Variants in SUSD1 observed in about 807,000 individuals in gnomAD.
SUSD1 encodes the protein sushi domain containing 1.
SUSD1 carries 65 observed loss-of-function variants against 86.9 expected under a neutral mutation model. The observed-to-expected ratio is 0.75, with a 90% CI of 0.61 to 0.92. The LOEUF (loss-of-function observed/expected upper bound fraction) is 0.92, where lower values mean the gene tolerates loss of function less well. Among genes scored for constraint, SUSD1 ranks in the 40% least tolerant of loss-of-function variants. SUSD1 has a pLI of 0.00. For synonymous variants in SUSD1, 346 were observed against 350.0 expected, an observed-to-expected ratio of 0.99 and a Z score of 0.13; for missense variants, 850 against 929.7, an observed-to-expected ratio of 0.91 and a Z score of 1.11.
At chr9:112,105,345 A>T (rs1185747249) in intron 8 of SUSD1, among the ~76,000 whole-genome samples, 7 of 146,928 alleles carry the variant, frequency 4.8e-5, no homozygotes, top group Non-Finnish European at 7.6e-5. Context: ...AACAAACTTT[A>T]AAAAAAAAAA....
chr9:112,166,112 A>G (rs1273752171), intron 1 of SUSD1, among the ~76,000 whole-genome samples: 1 of 152,196 alleles, frequency 6.6e-6, no homozygotes, highest in Non-Finnish European at 1.5e-5. Context: ...CCAGGCTACC[A>G]AGGCTTCTCA....
intron 15 of SUSD1, among the ~76,000 whole-genome samples, chr9:112,051,588 T>C (rs950840717): frequency 2.8e-4 from 43 of 151,854 alleles, no homozygotes; most frequent in African/African-American, 1.0e-3. Context: ...TGTGCCACCA[T>C]GCCTGGCTAA....
intron 13 of SUSD1, 117 bp from the exon 14 acceptor site, chr9:112,058,803 T>G: frequency 1.5e-6 from 2 of 1,358,414 alleles, no homozygotes; most frequent in Non-Finnish European, 2.0e-6. Context: ...TTTTGTTTTT[T>G]GTTTTTTTTG....
intron 1 of SUSD1, among the ~76,000 whole-genome samples, chr9:112,168,270 T>C (rs1323487410): frequency 6.6e-6 from 1 of 152,196 alleles, no homozygotes; most frequent in East Asian, 1.9e-4. Flanking sequence ...GACAGAGAAA[T>C]GCACTGATGC....
Position 112,142,335 on chromosome 9 carries a change from T to C in SUSD1, c.691A>G (p.Lys231Glu). 6.3e-7 allele frequency: 1 copy of C among 1,582,478 alleles called. No individual in the cohort carries two copies. Among genetic ancestry groups the C allele is most frequent in the Non-Finnish European group, 8.6e-7 (1 of 1,165,914 alleles). Residue 231 changes from lysine to glutamate, a missense_variant, in exon 5 of 17, where the codon AAA becomes GAA. By Grantham distance (56) the Lys-to-Glu change is moderately conservative (BLOSUM62 1). Coordinates refer to ENST00000374270, the MANE Select transcript of SUSD1 (RefSeq NM_022486.5). ...GAAAACTCACCTTGGCAATGTAATT[T>C]TGGGGACTCCCATGTGCCCAGGCCT... The part of the protein sequence containing the change: ...CTGLGTWESP[K>E]LHCQEINCGN...
chr9:112,165,701 C>T (rs1419380602), intron 1 of SUSD1, among the ~76,000 whole-genome samples: 1 of 151,798 alleles, frequency 6.6e-6, no homozygotes, highest in African/African-American at 2.4e-5. Flanking sequence ...TGAGCTACCA[C>T]ACCTGGCATA....
chr9:112,174,904 C>A (rs1353659684), intron 1 of SUSD1, among the ~76,000 whole-genome samples: 1 of 151,698 alleles, frequency 6.6e-6, no homozygotes, highest in Admixed American at 6.6e-5. Context: ...CCGGCGTCCC[C>A]CGGCGTCGCG....
intron 5 of SUSD1, among the ~76,000 whole-genome samples, chr9:112,134,389 A>C (rs560869133): frequency 2.5e-4 from 38 of 152,366 alleles, no homozygotes; most frequent in Middle Eastern, 3.4e-3. Context: ...AACCATAAAA[A>C]ATAAAATCAT....
chr9:112,103,285 T>A (rs1372032116), intron 8 of SUSD1: 3 of 333,254 alleles, frequency 9.0e-6, no homozygotes, highest in African/African-American at 2.2e-5. Flanking sequence ...CTGCCTATAA[T>A]TGGAAAGTGT....
rs886434535 is a variant in SUSD1, at chr9:112,108,948, C to T, written c.1171+2706G>A. Among the ~76,000 whole-genome samples, 27 of 151,798 alleles carry T rather than the reference C, an allele frequency of 1.8e-4. 1 individual carries two copies. The highest frequency in any genetic ancestry group is 2.1e-4 in the South Asian group (1 of 4,824). ...GGGGAAAAAAAATAGTAATAAAACACGCAACCCAAACCAATCAACCTCTAA... is the reference window on the plus strand; with the variant it reads ...GGGGAAAAAAAATAGTAATAAAACATGCAACCCAAACCAATCAACCTCTAA... On this transcript the variant is annotated intron_variant, in intron 8 of 16. Transcript: ENST00000374270.
Position 112,175,241 on chromosome 9 carries a change from C to T in SUSD1, c.-6G>A. On this transcript the variant is annotated 5_prime_UTR_variant, in exon 1 of 17. Coordinates refer to ENST00000374270, the MANE Select transcript of SUSD1 (RefSeq NM_022486.5). The surrounding 1 kb of genome is among the most constrained non-coding windows in gnomAD (Gnocchi z 4.7). ...TCCCAGGGCCCCCGGCCCATGCCGC[C>T]GCCGGTCCCTCCCGGCGCGCCCGCG... 6.1e-6 allele frequency: 7 copies of T among 1,154,548 alleles called. No homozygotes were observed. Among genetic ancestry groups the T allele is most frequent in the Non-Finnish European group, 7.5e-6 (7 of 938,938 alleles). The allele number at this position is 1,154,548 out of a possible 1,614,324, so 71.5% of individuals were successfully genotyped here. A position where few individuals can be genotyped will look rare whatever the true frequency, so the allele number is the denominator to read the frequency against.
chr9:112,110,947 C>T (rs556143613), intron 8 of SUSD1, among the ~76,000 whole-genome samples: 1 of 152,124 alleles, frequency 6.6e-6, no homozygotes, highest in Non-Finnish European at 1.5e-5. Flanking sequence ...GCCTCCCTGG[C>T]ACCTCCTCTT....
rs763488837 is a variant in SUSD1, at chr9:112,080,142, A to C, written c.1498T>G (p.Ser500Ala). The C allele has an allele frequency of 9.3e-6, 15 of 1,613,212 alleles. No individual in the cohort carries two copies. The South Asian group carries it at 1.4e-4, about 15-fold the overall frequency. The change falls in exon 11 of 17, where the codon TCA becomes GCA. Residue 500 changes from serine (S) to alanine (A), a missense_variant. Coordinates refer to ENST00000374270, the MANE Select transcript of SUSD1 (RefSeq NM_022486.5). Reference protein sequence around the residue: ...PAVKQTISNISGFNETCLRWR... With the variant: ...PAVKQTISNIAGFNETCLRWR... Reference sequence around the variant, plus strand: ...CTCAAGCAGGTTTCATTAAATCCTGAAATGTTACTGATGGTCTGTTTTACT... The same window carrying C: ...CTCAAGCAGGTTTCATTAAATCCTGCAATGTTACTGATGGTCTGTTTTACT...
intron 12 of SUSD1, among the ~76,000 whole-genome samples, chr9:112,068,445 C>T (rs1423988582): frequency 6.6e-6 from 1 of 152,160 alleles, no homozygotes; most frequent in African/African-American, 2.4e-5. Context: ...TGCACTGGCT[C>T]ATGCCTGTAA....
Position 112,112,822 on chromosome 9 carries a change from A to C in SUSD1, c.933T>G (p.Cys311Trp). ...INDVSLFNDT[C>W]VRWQINSRRI... ...TTCTTGAGTTTATTTGCCATCTCAC[A>C]CAGGTATCATTAAACAGTGATACAT... The change falls in exon 7 of 17, where the codon TGT (cysteine) becomes TGG (tryptophan). Residue 311 changes from cysteine to tryptophan, a missense_variant. Physicochemically the swap from Cys to Trp is radical, Grantham distance 215. Transcript: ENST00000374270. The C allele has an allele frequency of 6.2e-7, 1 of 1,613,610 alleles. No individual in the cohort carries two copies. Among genetic ancestry groups the C allele is most frequent in the Non-Finnish European group, 8.5e-7 (1 of 1,179,536 alleles).
chr9:112,107,254 CAAAAAAAA>C (rs71382407), intron 8 of SUSD1, among the ~76,000 whole-genome samples: 15 of 66,202 alleles, frequency 2.3e-4, no homozygotes, highest in African/African-American at 7.3e-4. Flanking sequence ...GACCATATCT[CAAAAAAAA>C]AAAAAAAAAA....
chr9:112,109,507 C>T (rs1831001415), intron 8 of SUSD1, among the ~76,000 whole-genome samples: 1 of 152,196 alleles, frequency 6.6e-6, no homozygotes. Context: ...TCCTAATTCT[C>T]TCTAGATTAA....
chr9:112,080,117 C>T lies in SUSD1; in HGVS notation c.1523G>A (p.Arg508Lys). The change falls in exon 11 of 17, where the codon AGA becomes AAA. Residue 508 changes from arginine (R) to lysine (K), a missense_variant. Transcript: ENST00000374270. ...ATCAGCTGTCTTGATGCTTCTCCAT[C>T]TCAAGCAGGTTTCATTAAATCCTGA... is the stretch of plus-strand genomic sequence containing the variant. ...NISGFNETCL[R>K]WRSIKTADME... 1 of 1,613,730 alleles carries T rather than the reference C, an allele frequency of 6.2e-7. No homozygotes were observed. Among genetic ancestry groups the T allele is most frequent in the Non-Finnish European group, 8.5e-7 (1 of 1,179,742 alleles).
intron 12 of SUSD1, among the ~76,000 whole-genome samples, chr9:112,072,736 C>T (rs774518361): frequency 6.6e-5 from 10 of 152,112 alleles, no homozygotes; most frequent in Non-Finnish European, 1.0e-4. Context: ...GAGAGAAATA[C>T]GTGGACTGTG....
Sources: gnomAD v4.1 joint callset for allele counts (sites outside exome capture counted in the v4.1 genomes callset) on GRCh38, gnomAD v4.1.1 for gene constraint, Gnocchi (gnomAD v3.1) non-coding constraint, MANE v1.5 for transcripts, NCBI Gene and HGNC (gene_info 2026-07-23, HGNC 2026-07-21) for gene names.